Variants in NDUFAF6 observed in about 807,000 individuals in gnomAD.
NDUFAF6 encodes NADH:ubiquinone oxidoreductase complex assembly factor 6.
In NDUFAF6, 45 loss-of-function variants were observed where a neutral mutation model predicts 40.8. The ratio of observed to expected loss-of-function variants is 1.10; its 90% CI spans 0.87 to 1.42. The LOEUF is 1.42. Ranked by LOEUF, NDUFAF6 falls within the 40% of genes most tolerant of loss-of-function variation. The pLI, the probability that NDUFAF6 is intolerant of heterozygous loss-of-function variation, is 0.00. For missense variants in NDUFAF6, 435 were observed against 418.5 expected (o/e 1.04, Z -0.34); for synonymous variants, 185 against 155.9 (o/e 1.19, Z -1.39).
rs2678828 is a variant in NDUFAF6 at position 95,094,771 on chromosome 8, G to C, written n.214-6361G>C. Among the ~76,000 whole-genome samples the C allele has an allele frequency of 4.9e-5, 6 of 123,334 alleles. No individual in the cohort carries two copies. The South Asian group carries it at 1.3e-3, about 26-fold the overall frequency. The allele number at this position is 123,334 out of a possible 152,430, so 80.9% of individuals were successfully genotyped here. A position where few individuals can be genotyped will look rare whatever the true frequency, so the allele number is the denominator to read the frequency against. ...TTCTTCTTTTTTTTTTTTTTTTTAA[G>C]AAATAGGGTCTTCGTCTGTTATCCA... On this transcript the variant is annotated intron_variant and non_coding_transcript_variant, in intron 2 of 5. Coordinates refer to the NDUFAF6 transcript ENST00000523184.
chr8:94,999,463 G>T (rs1237234524), intron 2 of NDUFAF6, among the ~76,000 whole-genome samples: 1 of 149,722 alleles, frequency 6.7e-6, no homozygotes, highest in Non-Finnish European at 1.5e-5. Context: ...TGTTACCCAG[G>T]CTGGGTGCAG....
At chr8:95,101,158 C>T (rs1809634828) in exon 2 of NDUFAF6, 1 of 152,100 alleles carries the variant, frequency 6.6e-6, no homozygotes, top group African/African-American at 2.4e-5. Context: ...TTTAAACACC[C>T]CTATCTGGTG....
At chr8:95,101,819 G>T (rs779919783) in intron 2 of NDUFAF6, among the ~76,000 whole-genome samples, 8 of 152,070 alleles carry the variant, frequency 5.3e-5, no homozygotes, top group Non-Finnish European at 8.8e-5. Context: ...AAAAAAAATT[G>T]GCTTCTGTAA....
In NDUFAF6 at chr8:95,058,052, G is replaced by A. The variant is rs1832414895; in HGVS notation, c.*115G>A. 1 of 1,483,390 alleles carries A rather than the reference G, an allele frequency of 6.7e-7. No individual in the cohort carries two copies. Among genetic ancestry groups the A allele is most frequent in the Admixed American group, 2.4e-5 (1 of 41,240 alleles). The allele number at this position is 1,483,390 out of a possible 1,614,324, so 91.9% of individuals were successfully genotyped here. ...AGGAGAAAATGAATTTATTGAATGG[G>A]ATGTCAAGTAGCTCACAAAATTGAG... On this transcript the variant is annotated 3_prime_UTR_variant, in exon 9 of 9. Coordinates refer to ENST00000396124, the MANE Select transcript of NDUFAF6 (RefSeq NM_152416.4).
intron 8 of NDUFAF6, among the ~76,000 whole-genome samples, chr8:95,055,538 TAATTA>T (rs1451095098): frequency 2.0e-5 from 3 of 152,312 alleles, no homozygotes; most frequent in African/African-American, 7.2e-5. Context: ...CTATTCCTTA[TAATTA>T]AATGTCATAA....
At chr8:94,994,412 A>G (rs1230693789) in intron 2 of NDUFAF6, among the ~76,000 whole-genome samples, 3 of 152,082 alleles carry the variant, frequency 2.0e-5, no homozygotes, top group Non-Finnish European at 2.9e-5. Flanking sequence ...TTAGCTGGGC[A>G]TGGTGGCTGG....
At chr8:95,116,053 G>T (rs886247069) in intron 5 of NDUFAF6, among the ~76,000 whole-genome samples, 1 of 152,038 alleles carries the variant, frequency 6.6e-6, no homozygotes, top group South Asian at 2.1e-4. Flanking sequence ...CGGAAGAATC[G>T]CTTGAACCGG....
rs753681024 is a variant in NDUFAF6, at chr8:95,057,842, C to T, written c.907C>T (p.Arg303Ter). The T allele has an allele frequency of 5.0e-5, 80 of 1,611,454 alleles. No individual in the cohort carries two copies. The highest frequency in any genetic ancestry group is 5.9e-5 in the Non-Finnish European group (70 of 1,178,382). Residue 303 changes from arginine to a stop codon, truncating the protein, a stop_gained, in exon 9 of 9, where the codon CGA (arginine) becomes TGA (stop). Coordinates refer to ENST00000396124, the MANE Select transcript of NDUFAF6 (RefSeq NM_152416.4). LOFTEE classifies it high-confidence loss of function. ...SLEDFLKKIQ[R>*]VDFDIFHPSL... ...AGAGGACTTTCTAAAGAAAATTCAG[C>T]GAGTGGATTTTGATATATTCCACCC...
At chr8:94,909,348 CAAAAAAA>C (rs556065794) in intron 1 of NDUFAF6, among the ~76,000 whole-genome samples, 47 of 91,886 alleles carry the variant, frequency 5.1e-4, no homozygotes, top group African/African-American at 2.1e-3. Flanking sequence ...GACTCCGTCT[CAAAAAAA>C]AAAAAAAAAA....
intron 2 of NDUFAF6, among the ~76,000 whole-genome samples, chr8:94,998,282 A>T (rs1279602975): frequency 6.6e-6 from 1 of 152,144 alleles, no homozygotes; most frequent in Non-Finnish European, 1.5e-5. Context: ...AGAGGCATTC[A>T]GTGAAATATT....
At chr8:94,934,068 ACT>A (rs933910685) in intron 1 of NDUFAF6, among the ~76,000 whole-genome samples, 13 of 151,178 alleles carry the variant, frequency 8.6e-5, no homozygotes, top group Middle Eastern at 3.4e-3. Context: ...CAAGAGTGAA[ACT>A]CTGTCTCAAA....
At chr8:95,043,851 CAT>C (rs1264456368) in intron 4 of NDUFAF6, among the ~76,000 whole-genome samples, 1 of 152,132 alleles carries the variant, frequency 6.6e-6, no homozygotes, top group African/African-American at 2.4e-5. Context: ...AAGAGATAAA[CAT>C]AGGAGTTATC....
At chr8:95,071,218 G>A (rs780817082) in intron 9 of NDUFAF6, among the ~76,000 whole-genome samples, 1 of 119,482 alleles carries the variant, frequency 8.4e-6, no homozygotes, top group Non-Finnish European at 1.7e-5. Flanking sequence ...GTGAAAACCC[G>A]TCTCTACTAA....
chr8:94,972,243 T>C (rs979210530), intron 1 of NDUFAF6, among the ~76,000 whole-genome samples: 4 of 150,480 alleles, frequency 2.7e-5, no homozygotes, highest in African/African-American at 9.8e-5. Flanking sequence ...TACAACATGA[T>C]TTTTTTTTTC....
intron 1 of NDUFAF6, among the ~76,000 whole-genome samples, chr8:94,943,066 T>C (rs1201925784): frequency 3.9e-5 from 6 of 152,146 alleles, no homozygotes; most frequent in Non-Finnish European, 8.8e-5. Context: ...ATTGGGGGGA[T>C]ATGCAAAATA....
At chr8:95,085,491 A>G (rs531423402) in intron 2 of NDUFAF6, 1 of 152,074 alleles carries the variant, frequency 6.6e-6, no homozygotes, top group Admixed American at 6.6e-5. Context: ...TAGGAACAGA[A>G]CTCTTCCAGA....
chr8:94,897,247 T>C (rs1182818703), intron 1 of NDUFAF6, among the ~76,000 whole-genome samples: 4 of 152,248 alleles, frequency 2.6e-5, no homozygotes, highest in Non-Finnish European at 4.4e-5. Context: ...TAAATTGATT[T>C]TAAAAGACAC....
chr8:95,036,491 A>G, intron 3 of NDUFAF6: 1 of 1,289,318 alleles, frequency 7.8e-7, no homozygotes, highest in Non-Finnish European at 1.0e-6. Flanking sequence ...GTGGATGGGA[A>G]GCTGTGAGTA....
At chr8:95,025,335 T>C in intron 1 of NDUFAF6, 130 bp downstream of exon 1, 1 of 936,404 alleles carries the variant, frequency 1.1e-6, no homozygotes, top group Non-Finnish European at 1.4e-6. Flanking sequence ...TGGGTGTGCG[T>C]TCTAGTGGGC....
Sources: allele counts gnomAD v4.1 joint callset (sites outside exome capture counted in the v4.1 genomes callset), GRCh38; gene constraint gnomAD v4.1.1; transcripts MANE v1.5; gene names NCBI Gene and HGNC (gene_info 2026-07-23, HGNC 2026-07-21).